Variants in CCDC171 observed in about 807,000 individuals in gnomAD.
CCDC171 encodes the protein coiled-coil domain-containing protein 171.
CCDC171 carries 177 observed loss-of-function variants against 168.2 expected under a neutral mutation model. The observed-to-expected ratio is 1.05, with a 90% CI of 0.93 to 1.19. The LOEUF (loss-of-function observed/expected upper bound fraction) is 1.19, where lower values mean the gene tolerates loss of function less well. Among genes scored for constraint, CCDC171 ranks in the 50% most tolerant of loss-of-function variants. The pLI, the probability that CCDC171 is intolerant of heterozygous loss-of-function variation, is 0.00. For synonymous variants in CCDC171, 687 were observed against 540.8 expected (o/e 1.27, Z -3.75); for missense variants, 1,991 against 1,539.0 (o/e 1.29, Z -4.91).
At chr9:16,048,898 A>G (rs1833706132) in intron 1 of CCDC171, among the ~76,000 whole-genome samples, 1 of 150,012 alleles carries the variant, frequency 6.7e-6, no homozygotes, top group Non-Finnish European at 1.5e-5. Flanking sequence ...ACCACACAAT[A>G]GGCTGAGAGA....
At chr9:15,794,112 G>A (rs545748852) in intron 21 of CCDC171, among the ~76,000 whole-genome samples, 3 of 151,858 alleles carry the variant, frequency 2.0e-5, no homozygotes, top group African/African-American at 7.3e-5. Flanking sequence ...TTTGATATAG[G>A]TTTTTATTTG....
At chr9:15,613,318 C>T (rs557347989) in intron 6 of CCDC171, among the ~76,000 whole-genome samples, 11 of 151,924 alleles carry the variant, frequency 7.2e-5, no homozygotes, top group East Asian at 3.9e-4. Context: ...AAGTGAATGA[C>T]GTAGAATGAA....
chr9:15,997,330 T>G (rs1239581457), intron 3 of CCDC171, among the ~76,000 whole-genome samples: 2 of 152,238 alleles, frequency 1.3e-5, no homozygotes, highest in East Asian at 3.9e-4. Flanking sequence ...GCTCAGCAGT[T>G]GGCTGGGGAC....
chr9:15,928,512 G>C (rs1345148149), intron 25 of CCDC171, among the ~76,000 whole-genome samples: 1 of 151,682 alleles, frequency 6.6e-6, no homozygotes, highest in African/African-American at 2.4e-5. Flanking sequence ...CTCTCACTGT[G>C]ATATCTCTGA....
the CCDC171 span, among the ~76,000 whole-genome samples, chr9:16,107,109 C>T: frequency 1.3e-5 from 2 of 152,212 alleles, no homozygotes; most frequent in African/African-American, 4.8e-5. Flanking sequence ...GATTGTCACC[C>T]CTAAAGAAAT....
At chr9:16,046,602 G>C (rs957113747) in intron 1 of CCDC171, among the ~76,000 whole-genome samples, 1 of 152,082 alleles carries the variant, frequency 6.6e-6, no homozygotes, top group Non-Finnish European at 1.5e-5. Flanking sequence ...TTATGGGAGG[G>C]ACCGGGTGGG....
chr9:16,091,572 C>G, the CCDC171 span, among the ~76,000 whole-genome samples: 6 of 152,260 alleles, frequency 3.9e-5, no homozygotes, highest in East Asian at 5.8e-4. Context: ...GCTCTCAGGT[C>G]GTGATCAGTC....
intron 21 of CCDC171, among the ~76,000 whole-genome samples, chr9:15,810,410 C>T (rs1035858517): frequency 6.8e-5 from 10 of 146,052 alleles, no homozygotes; most frequent in African/African-American, 1.0e-4. Context: ...CTCCTCAGCC[C>T]TTGGGAGGTA....
rs555496196 is a variant in CCDC171, at chr9:15,672,452, A to C, written c.1076+6129A>C. On this transcript the variant is annotated intron_variant, in intron 9 of 25. Coordinates refer to ENST00000380701, the MANE Select transcript of CCDC171 (RefSeq NM_173550.4). Reference sequence around the variant, plus strand: ...ATGCCTATGTCCTGAATGGTTTTGCATAGGTTTTCTTCTAGGGTTTTTATG... The same window carrying C: ...ATGCCTATGTCCTGAATGGTTTTGCCTAGGTTTTCTTCTAGGGTTTTTATG... Among the ~76,000 whole-genome samples the C allele has an allele frequency of 3.9e-5, 6 of 152,008 alleles. No individual in the cohort carries two copies. In the East Asian group the frequency reaches 9.7e-4, roughly 25 times the overall value.
intron 3 of CCDC171, among the ~76,000 whole-genome samples, chr9:16,019,893 G>T (rs185416535): frequency 6.6e-6 from 1 of 152,224 alleles, no homozygotes; most frequent in East Asian, 1.9e-4. Flanking sequence ...TTATCAATAG[G>T]CTCTGGCACT....
At chr9:16,050,579 T>C (rs1833734871) in intron 1 of CCDC171, among the ~76,000 whole-genome samples, 2 of 152,208 alleles carry the variant, frequency 1.3e-5, no homozygotes, top group Admixed American at 1.3e-4. Context: ...ATACTGGAGG[T>C]ATGACTTATG....
At chr9:15,803,481 G>A (rs987888467) in intron 21 of CCDC171, among the ~76,000 whole-genome samples, 1 of 151,944 alleles carries the variant, frequency 6.6e-6, no homozygotes, top group Non-Finnish European at 1.5e-5. Flanking sequence ...TCTGCATATG[G>A]CTACCCAGTT....
chr9:15,622,109 A>C (rs1037879536), intron 6 of CCDC171, among the ~76,000 whole-genome samples: 4 of 152,178 alleles, frequency 2.6e-5, no homozygotes, highest in Non-Finnish European at 5.9e-5. Context: ...AGAGGGGAAC[A>C]ACATACACTG....
chr9:15,870,800 T>TG (rs948952788), intron 23 of CCDC171, among the ~76,000 whole-genome samples: 6 of 151,194 alleles, frequency 4.0e-5, no homozygotes, highest in Admixed American at 2.0e-4. Context: ...AGCTTTTTTT[T>TG]TTGTTTTGGT....
At chr9:15,589,003 C>G (rs2072248535) in intron 4 of CCDC171, among the ~76,000 whole-genome samples, 1 of 151,794 alleles carries the variant, frequency 6.6e-6, no homozygotes, top group Non-Finnish European at 1.5e-5. Context: ...AGCCACCGCA[C>G]CCAGCCGTGT....
intron 7 of CCDC171, 57 bp downstream of exon 7, chr9:15,623,470 C>CGCGCGCGCGCGT: frequency 1.3e-6 from 1 of 753,628 alleles, no homozygotes; most frequent in South Asian, 1.9e-5. Context: ...CATATGCGCG[C>CGCGCGCGCGCGT]GCGCGCACAC....
chr9:15,841,811 C>T (rs1333107607), intron 21 of CCDC171, among the ~76,000 whole-genome samples: 1 of 151,782 alleles, frequency 6.6e-6, no homozygotes, highest in Non-Finnish European at 1.5e-5. Flanking sequence ...GCTTACCCGG[C>T]CCTATTGTAA....
intron 1 of CCDC171, among the ~76,000 whole-genome samples, chr9:15,554,987 T>C (rs2038670429): frequency 6.6e-6 from 1 of 152,166 alleles, no homozygotes; most frequent in Non-Finnish European, 1.5e-5. Flanking sequence ...TCCCTCGTTT[T>C]TCCTCTGATC....
Position 15,874,651 on chromosome 9 carries a change from G to C in CCDC171, c.3588G>C (p.Val1196=). The change falls in exon 24 of 26, where the codon GTG becomes GTC. Residue 1196 remains valine (V), a synonymous_variant. Coordinates refer to ENST00000380701, the MANE Select transcript of CCDC171 (RefSeq NM_173550.4). ...AGGGGCTCAAGGGCGGGCCAGAGGTGGTAGCATGCCAGGTTAGAGTCTAAA... is the reference window on the plus strand; with the variant it reads ...AGGGGCTCAAGGGCGGGCCAGAGGTCGTAGCATGCCAGGTTAGAGTCTAAA... The part of the protein sequence containing the change: ...AMEGLKGGPE[V]VACQAMIKSF... The C allele has an allele frequency of 6.3e-7, 1 of 1,579,552 alleles. No individual in the cohort carries two copies. The highest frequency in any genetic ancestry group is 8.6e-7 in the Non-Finnish European group (1 of 1,162,756).
Sources: allele counts gnomAD v4.1 joint callset (sites outside exome capture counted in the v4.1 genomes callset), GRCh38; gene constraint gnomAD v4.1.1; transcripts MANE v1.5; gene names NCBI Gene and HGNC (gene_info 2026-07-23, HGNC 2026-07-21).